The following CLIP2 variants were observed in gnomAD, a reference collection of about 807,000 sequenced individuals.
CLIP2 encodes the protein CAP-Gly domain-containing linker protein 2.
A neutral mutation model predicts 111.7 loss-of-function variants in CLIP2; 41 were observed. The observed-to-expected ratio is 0.37, with a 90% confidence interval of 0.29 to 0.48. CLIP2 has a LOEUF of 0.48. Among genes scored for constraint, CLIP2 ranks in the 20% least tolerant of loss-of-function variants. CLIP2 has a pLI of 0.99. For synonymous variants in CLIP2, 660 were observed against 644.2 expected (o/e 1.02, Z -0.37); for missense variants, 1,160 against 1,422.1 (o/e 0.82, Z 2.96).
At chr7:74,326,681 G>A (rs1211749137) in intron 2 of CLIP2, among the ~76,000 whole-genome samples, 5 of 149,046 alleles carry the variant, frequency 3.4e-5, no homozygotes, top group Admixed American at 6.8e-5. Context: ...CTTTCACCCC[G>A]GCTGGAGTAC....
intron 10 of CLIP2, among the ~76,000 whole-genome samples, chr7:74,379,601 A>G (rs1016226374): frequency 1.3e-5 from 2 of 152,042 alleles, no homozygotes; most frequent in Non-Finnish European, 2.9e-5. Flanking sequence ...CGTCTCTACT[A>G]AAAATACAAA....
rs1791734689 is a variant in CLIP2 at position 74,405,084 on chromosome 7, G to T, written c.*1236G>T. On this transcript the variant is annotated 3_prime_UTR_variant, in exon 17 of 17. Transcript: ENST00000223398. The stretch of plus-strand genomic sequence containing the variant: ...CGTCTCCAGCCCCATCTCCTAACGG[G>T]GGCTGGGGGTAAGAGAAATCTAACT... 1 of 152,174 alleles carries T rather than the reference G, an allele frequency of 6.6e-6. No individual in the cohort carries two copies. Among genetic ancestry groups the T allele is most frequent in the African/African-American group, 2.4e-5 (1 of 41,418 alleles). The allele number at this position is 152,174 out of a possible 1,614,324, so 9.4% of individuals were successfully genotyped here.
chr7:74,367,585 C>T (rs1435834217), intron 8 of CLIP2, among the ~76,000 whole-genome samples: 1 of 152,184 alleles, frequency 6.6e-6, no homozygotes, highest in African/African-American at 2.4e-5. Flanking sequence ...CCTAGCCTCT[C>T]AAAGTTCTGG....
intron 3 of CLIP2, among the ~76,000 whole-genome samples, chr7:74,340,857 G>A (rs1789639518): frequency 6.6e-6 from 1 of 152,086 alleles, no homozygotes; most frequent in South Asian, 2.1e-4. Flanking sequence ...CTGGGGGAAG[G>A]TGGTTGGTCA....
chr7:74,334,653 A>G (rs529068651), intron 2 of CLIP2, among the ~76,000 whole-genome samples: 8 of 152,130 alleles, frequency 5.3e-5, no homozygotes, highest in Non-Finnish European at 1.2e-4. Flanking sequence ...AGGAGCTGGC[A>G]CCTGCCAGGC....
intron 14 of CLIP2, among the ~76,000 whole-genome samples, chr7:74,399,800 A>G (rs184138091): frequency 1.3e-5 from 2 of 151,282 alleles, no homozygotes; most frequent in East Asian, 4.0e-4. Flanking sequence ...TCGGCCTCCC[A>G]AAGTGCTGGG....
chr7:74,359,503 A>G (rs558637223), intron 6 of CLIP2, among the ~76,000 whole-genome samples: 62 of 149,630 alleles, frequency 4.1e-4, no homozygotes, highest in East Asian at 1.6e-3. Flanking sequence ...ACAGGAGCCC[A>G]CCACCACGCC....
At chr7:74,331,104 G>C (rs894664700) in intron 2 of CLIP2, among the ~76,000 whole-genome samples, 1 of 150,914 alleles carries the variant, frequency 6.6e-6, no homozygotes, top group Non-Finnish European at 1.5e-5. Flanking sequence ...TACTCGGGAG[G>C]CTGAGGCAGG....
intron 16 of CLIP2, among the ~76,000 whole-genome samples, chr7:74,402,764 A>G (rs1401797003): frequency 6.6e-6 from 1 of 152,172 alleles, no homozygotes; most frequent in Non-Finnish European, 1.5e-5. Context: ...CTCGCTAGAA[A>G]CAGGAGCAGC....
intron 13 of CLIP2, 96 bp downstream of exon 13, chr7:74,389,355 G>GGATA: frequency 2.3e-6 from 3 of 1,315,720 alleles, no homozygotes; most frequent in Non-Finnish European, 3.1e-6. Flanking sequence ...GCAGAGAGGG[G>GGATA]GATAGAGCTG....
At position 74,404,749 on chromosome 7, in the gene CLIP2, C is replaced by G. The variant is rs777088834; in HGVS notation, c.*901C>G. 7 of 152,256 alleles carry G rather than the reference C, an allele frequency of 4.6e-5. No individual in the cohort carries two copies. The highest frequency in any genetic ancestry group is 1.4e-4 in the African/African-American group (6 of 41,412). The allele number at this position is 152,256 out of a possible 1,614,324, so 9.4% of individuals were successfully genotyped here. ...CCAGATGTTCCAAAATATCTGCATC[C>G]ACCTGGAGATGCAGCTAAGTGGGTC... On this transcript the variant is annotated 3_prime_UTR_variant, in exon 17 of 17. Transcript: ENST00000223398.
intron 1 of CLIP2, among the ~76,000 whole-genome samples, chr7:74,303,822 G>A (rs1254170162): frequency 3.4e-5 from 5 of 149,104 alleles, no homozygotes; most frequent in South Asian, 4.2e-4. Flanking sequence ...TGAGGCACAA[G>A]AATCGCTTGA....
At chr7:74,357,180 T>C in intron 5 of CLIP2, 100 bp from the exon 6 acceptor site, 11 of 1,041,186 alleles carry the variant, frequency 1.1e-5, no homozygotes, top group South Asian at 2.9e-5. Context: ...GCACTTGGGC[T>C]CCCACCTGCT....
chr7:74,355,663 C>T (rs1554308357), intron 4 of CLIP2, among the ~76,000 whole-genome samples: 1 of 152,184 alleles, frequency 6.6e-6, no homozygotes, highest in Non-Finnish European at 1.5e-5. Flanking sequence ...GTGTGGAATC[C>T]GTGACCAGAG....
intron 2 of CLIP2, among the ~76,000 whole-genome samples, chr7:74,327,539 C>A (rs529699282): frequency 1.4e-3 from 211 of 152,302 alleles, no homozygotes; most frequent in African/African-American, 4.1e-3. Context: ...CCTTTCCATA[C>A]ATTTCTAGGA....
chr7:74,338,299 C>G lies in CLIP2; in HGVS notation c.122-149C>G. On this transcript the variant is annotated intron_variant, in intron 2 of 16. Coordinates refer to ENST00000223398, the MANE Select transcript of CLIP2 (RefSeq NM_003388.5). This position sits in a 1 kb window ranked among gnomAD's most constrained non-coding sequence, Gnocchi z 4.3. ...GGCGGATTTCTTGAGGTCAGGAGTT[C>G]GAGACCAGCCTGGCCGAGATGGTGA... is the stretch of plus-strand genomic sequence containing the variant. 1.1e-6 allele frequency: 1 copy of G among 913,166 alleles called. No homozygotes were observed. Among genetic ancestry groups the G allele is most frequent in the Non-Finnish European group, 1.6e-6 (1 of 623,394 alleles). 56.6% of individuals were successfully genotyped at this position (913,166 alleles called of 1,614,324 possible).
At chr7:74,401,916 T>C (rs1189906230) in intron 16 of CLIP2, among the ~76,000 whole-genome samples, 2 of 150,742 alleles carry the variant, frequency 1.3e-5, no homozygotes, top group Admixed American at 1.3e-4. Context: ...AAATACAAAA[T>C]TAGCCGGGTA....
Position 74,380,862 on chromosome 7 carries a change from G to C in CLIP2, c.2478G>C (p.Glu826Asp). The C allele has an allele frequency of 6.2e-7, 1 of 1,613,910 alleles. No individual in the cohort carries two copies. The highest frequency in any genetic ancestry group is 8.5e-7 in the Non-Finnish European group (1 of 1,179,830). Residue 826 changes from glutamate to aspartate, a missense_variant and splice_region_variant, in exon 11 of 17, where the codon GAG becomes GAC. By Grantham distance (45) the Glu-to-Asp change is conservative. This residue lies in a region of CLIP2 where 676 missense variants were observed against 777.8 expected (regional missense o/e 0.87). Transcript: ENST00000223398. ...EETIRTKETV[E>D]GLQDKLNKRD... ...CGATCAGGACGAAGGAAACTGTGGA[G>C]GGTGAGTGGCCACCAGGCCGGGCGG...
At chr7:74,403,169 A>G (rs1424025336) in intron 16 of CLIP2, among the ~76,000 whole-genome samples, 2 of 148,734 alleles carry the variant, frequency 1.3e-5, no homozygotes, top group African/African-American at 5.0e-5. Context: ...CAGTGAGCCA[A>G]GATCGTGCCA....
Sources: allele counts gnomAD v4.1 joint callset (sites outside exome capture counted in the v4.1 genomes callset), GRCh38; gene constraint gnomAD v4.1.1; regional missense constraint gnomAD v4.1.1; non-coding constraint Gnocchi (gnomAD v3.1); transcripts MANE v1.5; gene names NCBI Gene and HGNC (gene_info 2026-07-23, HGNC 2026-07-21).